The following DHRS7C variants were observed in gnomAD, a reference collection of about 807,000 sequenced individuals.
DHRS7C encodes the protein dehydrogenase/reductase 7C.
In DHRS7C, 28 loss-of-function variants were observed where a neutral mutation model predicts 29.6. The ratio of observed to expected loss-of-function variants is 0.95; its 90% CI spans 0.70 to 1.30. The LOEUF (loss-of-function observed/expected upper bound fraction) is 1.30, where lower values mean the gene tolerates loss of function less well. Ranked by LOEUF, DHRS7C falls within the 50% of genes most tolerant of loss-of-function variation. DHRS7C has a pLI of 0.00. For synonymous variants in DHRS7C, 158 were observed against 160.2 expected, an observed-to-expected ratio of 0.99 and a Z score of 0.10; for missense variants, 403 against 393.3, an observed-to-expected ratio of 1.02 and a Z score of -0.21.
At chr17:9,789,717 A>G (rs2066443910) in intron 1 of DHRS7C, among the ~76,000 whole-genome samples, 1 of 152,200 alleles carries the variant, frequency 6.6e-6, no homozygotes, top group African/African-American at 2.4e-5. Flanking sequence ...ATGCCAGACA[A>G]AGGTGCGCTA....
In DHRS7C at chr17:9,791,184, G is replaced by A. The variant is rs1243667707; in HGVS notation, c.101C>T (p.Ala34Val). 6 of 1,613,662 alleles carry A rather than the reference G, an allele frequency of 3.7e-6. No individual in the cohort carries two copies. Among genetic ancestry groups the A allele is most frequent in the Non-Finnish European group, 5.1e-6 (6 of 1,179,810 alleles). ...GATCACCACCACTTTGTTCTGCACA[G>A]CTGACTTTGACCACAGCCTGGACAC... is the stretch of plus-strand genomic sequence containing the variant. ...QEVSRLWSKSAVQNKVVVITD... is the reference protein window; with the variant it reads ...QEVSRLWSKSVVQNKVVVITD... The change falls in exon 1 of 6, where the codon GCT becomes GTT. Residue 34 changes from alanine (A) to valine (V), a missense_variant. Coordinates refer to ENST00000571134, the MANE Select transcript of DHRS7C (RefSeq NM_001105571.3).
At chr17:9,786,363 AT>A (rs2066423817) in intron 1 of DHRS7C, among the ~76,000 whole-genome samples, 1 of 140,200 alleles carries the variant, frequency 7.1e-6, no homozygotes, top group Non-Finnish European at 1.6e-5. Context: ...AATAATAATA[AT>A]AATTAATCAG....
chr17:9,772,131 C>T (rs575733026), intron 5 of DHRS7C, among the ~76,000 whole-genome samples: 174 of 152,210 alleles, frequency 1.1e-3, no homozygotes, highest in African/African-American at 3.8e-3. Context: ...CAAGGTGTAG[C>T]GCCTCTACGC....
In DHRS7C at chr17:9,775,872, C is replaced by T. The variant is rs895204234; in HGVS notation, c.571+1321G>A. 2.0e-5 allele frequency among the ~76,000 whole-genome samples: 3 copies of T among 152,164 alleles called. No individual in the cohort carries two copies. Among genetic ancestry groups the T allele is most frequent in the Middle Eastern group, 3.2e-3 (1 of 316 alleles). ...AATATAAAATGAGGGCATTAGGCTG[C>T]GTCCTACTCTAATCTGACTGGTGCT... On this transcript the variant is annotated intron_variant, in intron 4 of 5. Coordinates refer to ENST00000571134, the MANE Select transcript of DHRS7C (RefSeq NM_001105571.3). The surrounding 1 kb of genome is among the most constrained non-coding windows in gnomAD (Gnocchi z 4.2).
chr17:9,777,539 T>TC (rs1236927248), intron 3 of DHRS7C, among the ~76,000 whole-genome samples: 8 of 151,062 alleles, frequency 5.3e-5, no homozygotes, highest in African/African-American at 1.9e-4. Context: ...CTGATTTCTT[T>TC]TTTTTTTTTT....
intron 4 of DHRS7C, among the ~76,000 whole-genome samples, chr17:9,776,292 C>T (rs1255287918): frequency 6.6e-6 from 1 of 152,156 alleles, no homozygotes; most frequent in African/African-American, 2.4e-5. Context: ...TGTGGGGACA[C>T]AGCAAGAAGG....
chr17:9,783,993 G>A (rs1276033836), intron 1 of DHRS7C, among the ~76,000 whole-genome samples: 5 of 150,104 alleles, frequency 3.3e-5, no homozygotes, highest in Non-Finnish European at 7.4e-5. Context: ...ACCTATCTGG[G>A]AGGGAAAAAA....
At chr17:9,789,786 CT>C (rs1234565967) in intron 1 of DHRS7C, among the ~76,000 whole-genome samples, 4 of 152,312 alleles carry the variant, frequency 2.6e-5, no homozygotes, top group African/African-American at 9.6e-5. Context: ...GTGGGCATCT[CT>C]TTTCCAGCTC....
chr17:9,778,370 G>C (rs2066374322), intron 3 of DHRS7C, among the ~76,000 whole-genome samples: 1 of 150,688 alleles, frequency 6.6e-6, no homozygotes, highest in Admixed American at 6.6e-5. Flanking sequence ...TTCCAACCTG[G>C]GCAATAGAGG....
At chr17:9,783,186 G>A (rs1314247032) in intron 1 of DHRS7C, among the ~76,000 whole-genome samples, 1 of 152,172 alleles carries the variant, frequency 6.6e-6, no homozygotes, top group Non-Finnish European at 1.5e-5. Flanking sequence ...GAGCTGGGAG[G>A]AGGGCTCTAG....
Position 9,775,352 on chromosome 17 carries a change from C to T in DHRS7C, c.571+1841G>A, listed in dbSNP as rs2066356165. On this transcript the variant is annotated intron_variant, in intron 4 of 5. Coordinates refer to ENST00000571134, the MANE Select transcript of DHRS7C (RefSeq NM_001105571.3). The surrounding 1 kb of genome is among the most constrained non-coding windows in gnomAD (Gnocchi z 4.2). ...TTCCTGGGCCCCCAGGTGGACTGCA[C>T]TTCCCAGCGTCCCTTGCACTTAGGT... Among the ~76,000 whole-genome samples the T allele has an allele frequency of 6.6e-6, 1 of 152,212 alleles. No individual in the cohort carries two copies. The highest frequency in any genetic ancestry group is 1.5e-5 in the Non-Finnish European group (1 of 68,034).
rs187718221 is a variant in DHRS7C, at chr17:9,779,909, T to C, written c.394A>G (p.Lys132Glu). Residue 132 changes from lysine to glutamate, a missense_variant, in exon 3 of 6, where the codon AAG becomes GAG. Physicochemically the swap from Lys to Glu is moderately conservative, Grantham distance 56. Coordinates refer to ENST00000571134, the MANE Select transcript of DHRS7C (RefSeq NM_001105571.3). ...AGAGAAATCTTATGGGCAGGCCCCT[T>C]CACCTTCACACTGGCATTGTTGATG... ...ILINNASVKV[K>E]GPAHKISLEL... 124 of 1,613,918 alleles carry C rather than the reference T, an allele frequency of 7.7e-5. No homozygotes were observed. Among genetic ancestry groups the C allele is most frequent in the Admixed American group, 5.2e-4 (31 of 60,014 alleles).
Position 9,779,924 on chromosome 17 carries a change from C to A in DHRS7C, c.379G>T (p.Ala127Ser). ...YGCVDILINNASVKVKGPAHK... is the reference protein window; with the variant it reads ...YGCVDILINNSSVKVKGPAHK... ...GCAGGCCCCTTCACCTTCACACTGG[C>A]ATTGTTGATGAGGATGTCCACACAG... Residue 127 changes from alanine to serine, a missense_variant, in exon 3 of 6, where the codon GCC (alanine) becomes TCC (serine). Coordinates refer to ENST00000571134, the MANE Select transcript of DHRS7C (RefSeq NM_001105571.3). 6.2e-7 allele frequency: 1 copy of A among 1,613,920 alleles called. No homozygotes were observed. The highest frequency in any genetic ancestry group is 8.5e-7 in the Non-Finnish European group (1 of 1,179,862).
chr17:9,775,426 G>C lies in DHRS7C; in HGVS notation c.571+1767C>G, dbSNP rs1169741946. ...TGTGAGCAGCGGTGATGCCAGCCTG[G>C]GGACAATGGGATGTCCAATGCCAGC... On this transcript the variant is annotated intron_variant, in intron 4 of 5. Coordinates refer to ENST00000571134, the MANE Select transcript of DHRS7C (RefSeq NM_001105571.3). This position sits in a 1 kb window ranked among gnomAD's most constrained non-coding sequence, Gnocchi z 4.2. Among the ~76,000 whole-genome samples the C allele has an allele frequency of 6.6e-6, 1 of 152,184 alleles. No individual in the cohort carries two copies. Among genetic ancestry groups the C allele is most frequent in the African/African-American group, 2.4e-5 (1 of 41,438 alleles).
chr17:9,791,344 G>T lies in DHRS7C; in HGVS notation c.-60C>A, dbSNP rs1249181601. The T allele has an allele frequency of 1.3e-6, 2 of 1,577,618 alleles. No individual in the cohort carries two copies. Among genetic ancestry groups the T allele is most frequent in the Non-Finnish European group, 1.7e-6 (2 of 1,160,884 alleles). On this transcript the variant is annotated 5_prime_UTR_variant, in exon 1 of 6. Coordinates refer to ENST00000571134, the MANE Select transcript of DHRS7C (RefSeq NM_001105571.3). The stretch of plus-strand genomic sequence containing the variant: ...GGCTTTGCAAAGAGACGCTGATCAG[G>T]ACTCCCAGGGCAGGGGGAGGCCCAA...
Position 9,775,050 on chromosome 17 carries a change from C to T in DHRS7C, c.572-2128G>A, listed in dbSNP as rs1443834462. ...AGGAAACTCGTGCATTTGTCCTATACGGGTCAGTGGCCAAAGCGCCCATTG... is the reference window on the plus strand; with the variant it reads ...AGGAAACTCGTGCATTTGTCCTATATGGGTCAGTGGCCAAAGCGCCCATTG... On this transcript the variant is annotated intron_variant, in intron 4 of 5. Transcript: ENST00000571134. The surrounding 1 kb of genome is among the most constrained non-coding windows in gnomAD (Gnocchi z 4.2). Among the ~76,000 whole-genome samples the T allele has an allele frequency of 3.3e-5, 5 of 152,150 alleles. No homozygotes were observed. The highest frequency in any genetic ancestry group is 3.8e-4 in the East Asian group (2 of 5,196).
chr17:9,788,212 A>T (rs7210948), intron 1 of DHRS7C, among the ~76,000 whole-genome samples: 35,389 of 151,818 alleles, frequency 0.23, 4,723 homozygotes, highest in Non-Finnish European at 0.3. Flanking sequence ...ATAAATAAAT[A>T]AATTAATTTT....
intron 3 of DHRS7C, among the ~76,000 whole-genome samples, chr17:9,778,067 G>C (rs2066372259): frequency 6.6e-6 from 1 of 152,110 alleles, no homozygotes; most frequent in Non-Finnish European, 1.5e-5. Context: ...CTTTCAGAAT[G>C]ATCTGGGAAA....
chr17:9,779,221 TG>T (rs1472559309), intron 3 of DHRS7C, among the ~76,000 whole-genome samples: 1 of 152,184 alleles, frequency 6.6e-6, no homozygotes, highest in African/African-American at 2.4e-5. Context: ...CGTTTGAACT[TG>T]ATGGTGAGAA....
Sources: gnomAD v4.1 joint callset for allele counts (sites outside exome capture counted in the v4.1 genomes callset) on GRCh38, gnomAD v4.1.1 for gene constraint, Gnocchi (gnomAD v3.1) non-coding constraint, MANE v1.5 for transcripts, NCBI Gene and HGNC (gene_info 2026-07-23, HGNC 2026-07-21) for gene names.